The following CRHBP variants were observed in gnomAD, a reference collection of about 807,000 sequenced individuals.
CRHBP encodes the protein corticotropin-releasing hormone-binding protein.
In CRHBP, 19 loss-of-function variants were observed where a neutral mutation model predicts 34.9. The ratio of observed to expected loss-of-function variants is 0.55; its 90% confidence interval spans 0.38 to 0.80. CRHBP has a LOEUF of 0.80. CRHBP is among the 30% of genes least tolerant of loss of function. The pLI, the probability that CRHBP is intolerant of heterozygous loss-of-function variation, is 0.00. For synonymous variants in CRHBP, 154 were observed against 153.4 expected (o/e 1.00, Z -0.03); for missense variants, 328 against 409.2 (o/e 0.80, Z 1.71).
downstream of CRHBP, among the ~76,000 whole-genome samples, chr5:76,973,518 G>A (rs1199017274): frequency 3.3e-5 from 5 of 152,182 alleles, no homozygotes; most frequent in Admixed American, 1.3e-4. Flanking sequence ...CCTGCTATTG[G>A]ATTCAGCAAT....
At chr5:76,978,288 A>G (rs1433418864) in intron 3 of CRHBP, among the ~76,000 whole-genome samples, 1 of 152,258 alleles carries the variant, frequency 6.6e-6, no homozygotes, top group Non-Finnish European at 1.5e-5. Context: ...TAGGACTTTT[A>G]TCGCTAAAGA....
chr5:76,962,498 G>C (rs992570810), intron 5 of CRHBP, among the ~76,000 whole-genome samples: 1 of 151,978 alleles, frequency 6.6e-6, no homozygotes, highest in Non-Finnish European at 1.5e-5. Context: ...AAATGAAAAG[G>C]CTGGGTGAGG....
At chr5:76,964,312 A>G (rs1745826144) in intron 6 of CRHBP, among the ~76,000 whole-genome samples, 2 of 152,206 alleles carry the variant, frequency 1.3e-5, no homozygotes, top group African/African-American at 2.4e-5. Context: ...AATCTCAGTT[A>G]ATTCTTACTG....
In CRHBP at chr5:76,955,692, A is replaced by G. The variant is rs1469628065; in HGVS notation, c.373A>G (p.Ser125Gly). The G allele has an allele frequency of 1.6e-5, 26 of 1,614,220 alleles. No homozygotes were observed. The highest frequency in any genetic ancestry group is 2.2e-5 in the Non-Finnish European group (26 of 1,180,036). ...GWILKGEKFPSSQDHPLPSAE... is the reference protein window; with the variant it reads ...GWILKGEKFPGSQDHPLPSAE... ...GATTCTCAAGGGGGAGAAGTTCCCC[A>G]GTTCCCAGGATCATCCTCTCCCCTC... The change falls in exon 4 of 7, where the codon AGT (serine) becomes GGT (glycine). Residue 125 changes from serine (S) to glycine (G), a missense_variant. By Grantham distance (56) the Ser-to-Gly change is moderately conservative. Around this residue, in one of 3 missense-constraint regions of CRHBP, gnomAD observed 173 missense variants for 172.2 expected, o/e 1.00. Transcript: ENST00000274368.
In CRHBP at chr5:76,978,593, G is replaced by C. The variant is rs116788201; in HGVS notation, n.467+2073G>C. 8.1e-3 allele frequency among the ~76,000 whole-genome samples: 1,241 copies of C among 152,306 alleles called. 22 individuals carry two copies. The highest frequency in any genetic ancestry group is 0.029 in the African/African-American group (1,185 of 41,556). On this transcript the variant is annotated intron_variant and non_coding_transcript_variant, in intron 3 of 3. Coordinates refer to the CRHBP transcript ENST00000514258. ...ATTGACAATGCACCTGGTCATCCAA[G>C]AGCTCTGAGGGAAATGTACAAAAAG...
At chr5:76,975,964 A>G (rs1437469126) in intron 2 of CRHBP, among the ~76,000 whole-genome samples, 1 of 148,882 alleles carries the variant, frequency 6.7e-6, no homozygotes, top group African/African-American at 2.5e-5. Context: ...GCGTGTATAT[A>G]TATATATATG....
At chr5:76,978,543 A>G (rs1375328580) in intron 3 of CRHBP, among the ~76,000 whole-genome samples, 5 of 115,388 alleles carry the variant, frequency 4.3e-5, no homozygotes, top group Non-Finnish European at 8.3e-5. Flanking sequence ...GCTGAGAAAA[A>G]TAATCTTTCA....
chr5:76,975,828 A>ATC lies in CRHBP; in HGVS notation n.312-536_312-535insCT, dbSNP rs1554043496. Among the ~76,000 whole-genome samples the ATC allele has an allele frequency of 2.9e-4, 26 of 90,446 alleles. 1 individual carries two copies. The highest frequency in any genetic ancestry group is 6.7e-4 in the South Asian group (2 of 2,990). The allele number at this position is 90,446 out of a possible 152,430, so 59.3% of individuals were successfully genotyped here. The stretch of plus-strand genomic sequence containing the variant: ...CAAAAAAAAAAAAAAAAAAAAAAAT[A>ATC]TATATATATATATATATACACGCAT... On this transcript the variant is annotated intron_variant and non_coding_transcript_variant, in intron 2 of 3. Transcript: ENST00000514258.
At chr5:76,970,580 A>G (rs890807802), downstream of CRHBP, among the ~76,000 whole-genome samples, 10 of 152,330 alleles carry the variant, frequency 6.6e-5, no homozygotes, top group African/African-American at 2.4e-4. Context: ...TTGATTAGTT[A>G]TATAAAATAT....
intron 2 of CRHBP, among the ~76,000 whole-genome samples, chr5:76,975,101 G>A (rs1012759184): frequency 6.6e-6 from 1 of 152,200 alleles, no homozygotes; most frequent in African/African-American, 2.4e-5. Context: ...TTCCTAGTAT[G>A]AAAATGCAAT....
intron 3 of CRHBP, 119 bp downstream of exon 3, chr5:76,954,305 A>C (rs550757067): frequency 8.1e-7 from 1 of 1,240,380 alleles, no homozygotes; most frequent in Non-Finnish European, 1.1e-6. Context: ...CACTTCTTAG[A>C]CACTTCGCTG....
chr5:76,975,859 T>C (rs1428190799), intron 2 of CRHBP, among the ~76,000 whole-genome samples: 3,779 of 93,088 alleles, frequency 0.041, 125 homozygotes, highest in Middle Eastern at 0.064. Flanking sequence ...CGCATATATA[T>C]ATACACACAC....
rs1745623094 is a variant in CRHBP, at chr5:76,954,022, C to A, written c.176-7C>A. 2 of 1,610,432 alleles carry A rather than the reference C, an allele frequency of 1.2e-6. No homozygotes were observed. Among genetic ancestry groups the A allele is most frequent in the African/African-American group, 1.3e-5 (1 of 74,872 alleles). ...GGGACTTATTGCCCCATGCCCTCCT[C>A]CCCCAGGGTGCCTGGACATGCTGAG... On this transcript the variant is annotated splice_region_variant and splice_polypyrimidine_tract_variant and intron_variant, in intron 2 of 6. Transcript: ENST00000274368.
chr5:76,954,137 T>C lies in CRHBP; in HGVS notation c.284T>C (p.Ile95Thr). The part of the protein sequence containing the change: ...FISEPEEFIT[I>T]HYDQVSIDCQ... ...AGCGAGCCCGAGGAGTTCATTACCA[T>C]CCACTACGACCAGGTCTCCATCGAC... Residue 95 changes from isoleucine to threonine, a missense_variant, in exon 3 of 7, where the codon ATC (isoleucine) becomes ACC (threonine). Transcript: ENST00000274368. The C allele has an allele frequency of 6.2e-7, 1 of 1,613,980 alleles. No homozygotes were observed. Among genetic ancestry groups the C allele is most frequent in the African/African-American group, 1.3e-5 (1 of 75,034 alleles).
intron 2 of CRHBP, among the ~76,000 whole-genome samples, chr5:76,976,093 T>C (rs941308655): frequency 6.6e-6 from 1 of 151,496 alleles, no homozygotes; most frequent in Non-Finnish European, 1.5e-5. Flanking sequence ...TGTGATCTTA[T>C]ATATAATAAG....
rs775587058 is a variant in CRHBP at position 76,968,764 on chromosome 5, G to A, written c.848G>A (p.Arg283His). 5.6e-6 allele frequency: 9 copies of A among 1,613,744 alleles called. No homozygotes were observed. Among genetic ancestry groups the A allele is most frequent in the African/African-American group, 1.3e-5 (1 of 74,898 alleles). ...GTTGGCTGTGACAACACTGTGGTGC[G>A]CATGGTCTCCAGTGGAAAACACGTA... ...MKVGCDNTVV[R>H]MVSSGKHVNR... The change falls in exon 7 of 7, where the codon CGC (arginine) becomes CAC (histidine). Residue 283 changes from arginine (R) to histidine (H), a missense_variant. Arg to His is a conservative substitution (Grantham distance 29). Coordinates refer to ENST00000274368, the MANE Select transcript of CRHBP (RefSeq NM_001882.4).
chr5:76,963,208 C>T, intron 5 of CRHBP, 135 bp from the exon 6 acceptor site: 3 of 642,960 alleles, frequency 4.7e-6, no homozygotes, highest in Non-Finnish European at 8.2e-6. Context: ...TTCCAGAGTC[C>T]CAGATGTTAA....
intron 3 of CRHBP, among the ~76,000 whole-genome samples, chr5:76,979,097 C>A (rs1746081062): frequency 6.6e-6 from 1 of 152,218 alleles, no homozygotes; most frequent in Non-Finnish European, 1.5e-5. Flanking sequence ...TTATGACTCG[C>A]TGAAGGATGG....
chr5:76,969,532 A>G (rs1745912055), downstream of CRHBP: 1 of 152,562 alleles, frequency 6.6e-6, no homozygotes, highest in Admixed American at 6.5e-5. Context: ...TCAGAAAATA[A>G]TGTTATCATG....
Sources: gnomAD v4.1 joint callset for allele counts (sites outside exome capture counted in the v4.1 genomes callset) on GRCh38, gnomAD v4.1.1 for gene constraint, gnomAD v4.1.1 regional missense constraint, MANE v1.5 for transcripts, NCBI Gene and HGNC (gene_info 2026-07-23, HGNC 2026-07-21) for gene names.